The following TRPM3 variants were observed in gnomAD, a reference collection of about 807,000 sequenced individuals.
TRPM3 encodes the protein long transient receptor potential channel 3.
In TRPM3, 77 loss-of-function variants were observed where a neutral mutation model predicts 181.2. That is an observed-to-expected ratio of 0.42 (90% CI 0.35 to 0.51). The LOEUF (loss-of-function observed/expected upper bound fraction) is 0.51. Among genes scored for constraint, TRPM3 ranks in the 20% least tolerant of loss-of-function variants. TRPM3 has a pLI of 0.01. For missense variants in TRPM3, 1,759 were observed against 2,196.7 expected (o/e 0.80, Z 3.98); for synonymous variants, 745 against 796.4 (o/e 0.94, Z 1.09).
At chr9:70,828,787 C>T (rs2093715694) in intron 5 of TRPM3, among the ~76,000 whole-genome samples, 2 of 150,168 alleles carry the variant, frequency 1.3e-5, no homozygotes, top group Non-Finnish European at 2.9e-5. Context: ...TTGCGACGAT[C>T]CTGCAAAATA....
intron 1 of TRPM3, among the ~76,000 whole-genome samples, chr9:71,232,470 C>T (rs1409189025): frequency 7.0e-6 from 1 of 143,184 alleles, no homozygotes; most frequent in Non-Finnish European, 1.5e-5. Context: ...CTCTAACGCA[C>T]ATGGAAATTG....
At chr9:71,205,592 G>A (rs1237269061) in intron 1 of TRPM3, among the ~76,000 whole-genome samples, 1 of 152,056 alleles carries the variant, frequency 6.6e-6, no homozygotes, top group Non-Finnish European at 1.5e-5. Context: ...ACACATTAGG[G>A]GTAGTTTGAG....
intron 1 of TRPM3, among the ~76,000 whole-genome samples, chr9:71,106,824 GT>G (rs1462088258): frequency 2.0e-5 from 3 of 152,176 alleles, no homozygotes; most frequent in Non-Finnish European, 2.9e-5. Context: ...CAATGAGACA[GT>G]TTGCAAAGTT....
intron 1 of TRPM3, chr9:70,917,070 G>A (rs2096603456): frequency 6.3e-7 from 1 of 1,596,502 alleles, no homozygotes; most frequent in Non-Finnish European, 8.6e-7. Context: ...TAGCACTGAG[G>A]AAAGCACTGC....
chr9:70,657,054 G>C (rs186362262), intron 9 of TRPM3, among the ~76,000 whole-genome samples: 1 of 151,698 alleles, frequency 6.6e-6, no homozygotes, highest in African/African-American at 2.4e-5. Flanking sequence ...GACAAACCAG[G>C]AAGTCCAAGA....
At chr9:71,340,234 G>A (rs917890033) in intron 1 of TRPM3, among the ~76,000 whole-genome samples, 3 of 152,270 alleles carry the variant, frequency 2.0e-5, no homozygotes, top group South Asian at 4.1e-4. Flanking sequence ...AAAGAGAGAA[G>A]GCTAGAATAA....
chr9:71,415,660 C>G (rs2093626184), intron 1 of TRPM3, among the ~76,000 whole-genome samples: 1 of 151,924 alleles, frequency 6.6e-6, no homozygotes, highest in South Asian at 2.1e-4. Context: ...ACACGGAAAA[C>G]TGACTAATTC....
At chr9:70,740,293 A>G (rs1253091018) in intron 8 of TRPM3, among the ~76,000 whole-genome samples, 2 of 152,176 alleles carry the variant, frequency 1.3e-5, no homozygotes, top group Non-Finnish European at 2.9e-5. Context: ...CAACAAAACT[A>G]CAAAACACCG....
At chr9:71,261,646 ATCTTTGG>A (rs2083062139) in intron 1 of TRPM3, among the ~76,000 whole-genome samples, 1 of 152,134 alleles carries the variant, frequency 6.6e-6, no homozygotes, top group African/African-American at 2.4e-5. Flanking sequence ...GGATTTATCT[ATCTTTGG>A]TCTTTGCTGT....
intron 6 of TRPM3, among the ~76,000 whole-genome samples, chr9:70,803,510 G>A (rs1439966942): frequency 2.1e-5 from 3 of 143,432 alleles, no homozygotes; most frequent in African/African-American, 7.7e-5. Flanking sequence ...GTGCAGTGGT[G>A]CGATCTCGGC....
intron 16 of TRPM3, among the ~76,000 whole-genome samples, chr9:70,619,573 C>T (rs1053909697): frequency 1.3e-5 from 2 of 151,646 alleles, no homozygotes; most frequent in African/African-American, 4.8e-5. Context: ...ACCATCACAC[C>T]CAGCTAATTT....
Position 70,639,132 on chromosome 9 carries a change from T to C in TRPM3, c.1509A>G (p.Lys503=). The change falls in exon 11 of 26, where the codon AAA becomes AAG. Residue 503 remains lysine, a synonymous_variant. Coordinates refer to ENST00000677713, the MANE Select transcript of TRPM3 (RefSeq NM_001366145.2). ...ALVLDRVDFV[K]LLIENGVSMH... ...TGCTTACTCCATTCTCTATGAGTAA[T>C]TTCACAAAATCCACTCTGTCCAGAA... 2 of 1,614,024 alleles carry C rather than the reference T, an allele frequency of 1.2e-6. No individual in the cohort carries two copies. The highest frequency in any genetic ancestry group is 1.7e-6 in the Non-Finnish European group (2 of 1,179,932).
chr9:71,364,597 A>G (rs2092272553), intron 1 of TRPM3, among the ~76,000 whole-genome samples: 1 of 152,258 alleles, frequency 6.6e-6, no homozygotes, highest in African/African-American at 2.4e-5. Context: ...TGTGAGGCTC[A>G]GAGCTAAACT....
intron 19 of TRPM3, among the ~76,000 whole-genome samples, chr9:70,610,264 T>C (rs1022807074): frequency 2.6e-5 from 4 of 152,204 alleles, no homozygotes; most frequent in Non-Finnish European, 5.9e-5. Flanking sequence ...ACATCTAAAA[T>C]GGGCAACTGT....
chr9:71,251,452 C>A (rs1193750237), intron 1 of TRPM3, among the ~76,000 whole-genome samples: 1 of 151,966 alleles, frequency 6.6e-6, no homozygotes, highest in Non-Finnish European at 1.5e-5. Flanking sequence ...TTCTTGGGAG[C>A]TTTATCATAA....
chr9:71,116,538 G>A (rs1001740096), intron 1 of TRPM3, among the ~76,000 whole-genome samples: 1 of 152,128 alleles, frequency 6.6e-6, no homozygotes, highest in East Asian at 1.9e-4. Flanking sequence ...AGAGACAATA[G>A]AAAGAACATT....
intron 6 of TRPM3, among the ~76,000 whole-genome samples, chr9:70,822,368 T>G (rs4418400): frequency 2.0e-5 from 3 of 152,204 alleles, no homozygotes; most frequent in East Asian, 1.9e-4. Context: ...CATGCATCAC[T>G]CTTGAAGTGT....
chr9:70,976,981 A>C (rs1590227908), intron 1 of TRPM3, among the ~76,000 whole-genome samples: 1 of 152,118 alleles, frequency 6.6e-6, no homozygotes, highest in African/African-American at 2.4e-5. Flanking sequence ...TTCCTCTCTC[A>C]TTCTGGGGAT....
At chr9:71,255,458 C>T (rs1013445346) in intron 1 of TRPM3, among the ~76,000 whole-genome samples, 3 of 152,084 alleles carry the variant, frequency 2.0e-5, no homozygotes, top group African/African-American at 4.8e-5. Context: ...CCAACTGCCT[C>T]GCCATAATCA....
Sources: gnomAD v4.1 joint callset for allele counts (sites outside exome capture counted in the v4.1 genomes callset) on GRCh38, gnomAD v4.1.1 for gene constraint, MANE v1.5 for transcripts, NCBI Gene and HGNC (gene_info 2026-07-23, HGNC 2026-07-21) for gene names.